BCKDHB: variants seen among roughly 807,000 people sequenced by gnomAD.
The protein encoded by BCKDHB is branched chain keto acid dehydrogenase E1 subunit beta.
A neutral mutation model predicts 48.5 loss-of-function variants in BCKDHB; 41 were observed. The ratio of observed to expected loss-of-function variants is 0.85; its 90% CI spans 0.66 to 1.10. The LOEUF (loss-of-function observed/expected upper bound fraction) is 1.10, where lower values mean the gene tolerates loss of function less well. Ranked by LOEUF, BCKDHB falls within the 50% of genes least tolerant of loss-of-function variation. The pLI is 0.00. For synonymous variants in BCKDHB, 201 were observed against 174.8 expected, an observed-to-expected ratio of 1.15 and a Z score of -1.18; for missense variants, 496 against 494.2, an observed-to-expected ratio of 1.00 and a Z score of -0.03.
At chr6:80,236,440 T>C (rs1776149359) in intron 8 of BCKDHB, among the ~76,000 whole-genome samples, 1 of 152,244 alleles carries the variant, frequency 6.6e-6, no homozygotes, top group South Asian at 2.1e-4. Context: ...TAAATTTAAC[T>C]GAACCTATAG....
At chr6:80,199,105 C>T (rs1384135406) in intron 6 of BCKDHB, among the ~76,000 whole-genome samples, 4 of 152,082 alleles carry the variant, frequency 2.6e-5, no homozygotes, top group South Asian at 2.1e-4. Flanking sequence ...CATTGGATTG[C>T]CAGAGCCCAA....
chr6:80,357,360 T>C, the BCKDHB span, among the ~76,000 whole-genome samples: 1 of 152,074 alleles, frequency 6.6e-6, no homozygotes, highest in African/African-American at 2.4e-5. Context: ...TGAAACAGAA[T>C]GGAGAGGGGA....
At chr6:80,352,675 C>A in the BCKDHB span, among the ~76,000 whole-genome samples, 1 of 152,134 alleles carries the variant, frequency 6.6e-6, no homozygotes, top group Non-Finnish European at 1.5e-5. Flanking sequence ...AACCCTCCAC[C>A]TTGGGATTAG....
chr6:80,155,609 A>G (rs765994905), intron 3 of BCKDHB, among the ~76,000 whole-genome samples: 2 of 152,122 alleles, frequency 1.3e-5, no homozygotes, highest in Non-Finnish European at 2.9e-5. Context: ...ATACCCAACC[A>G]TAGTTTTTAC....
At chr6:80,265,616 CG>C (rs538338694) in intron 8 of BCKDHB, among the ~76,000 whole-genome samples, 1 of 151,958 alleles carries the variant, frequency 6.6e-6, no homozygotes, top group Non-Finnish European at 1.5e-5. Context: ...GGACTAGAGA[CG>C]GATGGTCGTG....
At chr6:80,457,310 C>T in the BCKDHB span, among the ~76,000 whole-genome samples, 1 of 152,166 alleles carries the variant, frequency 6.6e-6, no homozygotes, top group African/African-American at 2.4e-5. Context: ...GAGGCAAGTC[C>T]CTGGACCCTT....
At chr6:80,346,574 G>A (rs918078389), downstream of BCKDHB, among the ~76,000 whole-genome samples, 2 of 152,248 alleles carry the variant, frequency 1.3e-5, no homozygotes, top group East Asian at 3.9e-4. Context: ...CCTCTCTTCC[G>A]TGAGATGGAC....
At chr6:80,316,913 C>G (rs1742933207) in intron 9 of BCKDHB, among the ~76,000 whole-genome samples, 1 of 149,056 alleles carries the variant, frequency 6.7e-6, no homozygotes, top group Non-Finnish European at 1.5e-5. Flanking sequence ...TGGCTCAAAT[C>G]AGGCTTCCCA....
chr6:80,265,025 A>T (rs1032237963), intron 8 of BCKDHB, among the ~76,000 whole-genome samples: 1 of 152,110 alleles, frequency 6.6e-6, no homozygotes, highest in African/African-American at 2.4e-5. Context: ...CCTCGTTCCC[A>T]TTGGGATGGC....
chr6:80,280,910 A>G (rs1283512630), intron 9 of BCKDHB, among the ~76,000 whole-genome samples: 1 of 152,136 alleles, frequency 6.6e-6, no homozygotes, highest in East Asian at 1.9e-4. Flanking sequence ...GAAGTGGATG[A>G]GGGAGAGGCA....
At chr6:80,313,715 A>G (rs9343980) in intron 9 of BCKDHB, among the ~76,000 whole-genome samples, 52,495 of 151,844 alleles carry the variant, frequency 0.35, 9,232 homozygotes, top group Non-Finnish European at 0.37. Context: ...CAGATCCTAG[A>G]TTTGTTGATG....
At chr6:80,445,515 G>A in the BCKDHB span, among the ~76,000 whole-genome samples, 4 of 152,100 alleles carry the variant, frequency 2.6e-5, no homozygotes, top group Non-Finnish European at 5.9e-5. Flanking sequence ...ACAAGGCAGA[G>A]GTCAGGAGAA....
intron 3 of BCKDHB, among the ~76,000 whole-genome samples, chr6:80,143,467 G>T (rs986867607): frequency 6.6e-6 from 1 of 152,146 alleles, no homozygotes; most frequent in Non-Finnish European, 1.5e-5. Context: ...AGCTCTACGT[G>T]GAGGACAGTA....
chr6:80,338,449 C>T (rs928319152), intron 9 of BCKDHB, among the ~76,000 whole-genome samples: 15 of 152,270 alleles, frequency 9.9e-5, no homozygotes, highest in African/African-American at 3.6e-4. Flanking sequence ...GGGGGCAGCA[C>T]CGGACACTGC....
At chr6:80,293,103 C>G (rs1767019289) in intron 9 of BCKDHB, among the ~76,000 whole-genome samples, 1 of 152,146 alleles carries the variant, frequency 6.6e-6, no homozygotes, top group Non-Finnish European at 1.5e-5. Flanking sequence ...GTATATCTAC[C>G]ATTTTGGGGT....
At chr6:80,455,964 C>CCTGT in the BCKDHB span, among the ~76,000 whole-genome samples, 1 of 152,094 alleles carries the variant, frequency 6.6e-6, no homozygotes, top group Non-Finnish European at 1.5e-5. Flanking sequence ...GTGGCTCATG[C>CCTGT]CTGTAATCCC....
At chr6:80,242,873 G>C (rs112770227) in intron 8 of BCKDHB, among the ~76,000 whole-genome samples, 1 of 152,100 alleles carries the variant, frequency 6.6e-6, no homozygotes, top group Non-Finnish European at 1.5e-5. Flanking sequence ...AAATTGGGTA[G>C]GTTTCCAGAG....
At chr6:80,393,184 T>C in the BCKDHB span, among the ~76,000 whole-genome samples, 1 of 152,176 alleles carries the variant, frequency 6.6e-6, no homozygotes, top group Non-Finnish European at 1.5e-5. Flanking sequence ...TATTTATTAT[T>C]TGATTTATTT....
At chr6:80,327,872 C>CT (rs1327375568) in intron 9 of BCKDHB, among the ~76,000 whole-genome samples, 1 of 151,692 alleles carries the variant, frequency 6.6e-6, no homozygotes. Flanking sequence ...CTTCCTTTCT[C>CT]TTTTTTCCCT....
Sources: gnomAD v4.1 joint callset for allele counts (sites outside exome capture counted in the v4.1 genomes callset) on GRCh38, gnomAD v4.1.1 for gene constraint, MANE v1.5 for transcripts, NCBI Gene and HGNC (gene_info 2026-07-23, HGNC 2026-07-21) for gene names.